PTK2: variants seen among roughly 807,000 people sequenced by gnomAD.
PTK2 encodes protein tyrosine kinase 2.
A neutral mutation model predicts 150.1 loss-of-function variants in PTK2; 45 were observed. The observed-to-expected ratio is 0.30, with a 90% CI of 0.24 to 0.38. The LOEUF (loss-of-function observed/expected upper bound fraction) is 0.38, where lower values mean the gene tolerates loss of function less well. Ranked by LOEUF, PTK2 falls within the 10% of genes least tolerant of loss-of-function variation. PTK2 has a pLI of 1.00. For missense variants in PTK2, 919 were observed against 1,307.3 expected (o/e 0.70, Z 4.58); for synonymous variants, 432 against 449.2 (o/e 0.96, Z 0.48).
chr8:140,772,624 A>C (rs1207334080), intron 14 of PTK2, among the ~76,000 whole-genome samples: 1 of 152,232 alleles, frequency 6.6e-6, no homozygotes, highest in South Asian at 2.1e-4. Context: ...ATAAGATGAT[A>C]TCTTTGGTCT....
intron 23 of PTK2, among the ~76,000 whole-genome samples, 194 bp downstream of exon 26, chr8:140,717,404 C>G (rs963373020): frequency 1.3e-5 from 2 of 152,188 alleles, no homozygotes; most frequent in Non-Finnish European, 2.9e-5. Context: ...ACTTGAAATA[C>G]AAATGAGGAA....
At chr8:140,700,851 G>T in intron 26 of PTK2, 40 bp downstream of exon 29, 1 of 1,609,288 alleles carries the variant, frequency 6.2e-7, no homozygotes. Context: ...ACTCTAACAG[G>T]GCTTAAAAAG....
At chr8:140,841,456 T>C (rs1214992341) in intron 7 of PTK2, among the ~76,000 whole-genome samples, 1 of 152,116 alleles carries the variant, frequency 6.6e-6, no homozygotes, top group Non-Finnish European at 1.5e-5. Context: ...ATTTTTAAAA[T>C]CCACACATTT....
At chr8:140,912,504 A>G (rs1409562779) in intron 2 of PTK2, among the ~76,000 whole-genome samples, 1 of 152,120 alleles carries the variant, frequency 6.6e-6, no homozygotes, top group East Asian at 1.9e-4. Flanking sequence ...TTTAAACACT[A>G]TAATTCATCA....
Position 140,669,718 on chromosome 8 carries a change from T to C in PTK2, c.2710-1294A>G, listed in dbSNP as rs10283368. The C allele has an allele frequency of 0.47, 711,809 of 1,530,584 alleles. 170,349 individuals are homozygous for C. The highest frequency in any genetic ancestry group is 0.5 in the Middle Eastern group (2,981 of 5,980). 94.8% of individuals were successfully genotyped at this position (1,530,584 alleles called of 1,614,324 possible). On this transcript the variant is annotated intron_variant, in intron 29 of 31. Coordinates refer to ENST00000522684, the Ensembl canonical transcript of PTK2. ...GCTGGACAGACACACAAAGACACGA[T>C]GTGCTTACCCTCCATGGCTATTGTC...
At chr8:140,818,308 C>T (rs752827540) in exon 10 of PTK2, 6 of 1,614,102 alleles carry the variant, frequency 3.7e-6, no homozygotes, top group Non-Finnish European at 5.1e-6. Context: ...GTAACTGATT[C>T]CTTCTTCTGG....
intron 1 of PTK2, among the ~76,000 whole-genome samples, chr8:140,955,791 G>T (rs1241331024): frequency 6.6e-6 from 1 of 152,212 alleles, no homozygotes; most frequent in Non-Finnish European, 1.5e-5. Context: ...CATGTCGGAA[G>T]AAGGTTCAGA....
chr8:140,989,790 C>T (rs1316050032), intron 1 of PTK2, among the ~76,000 whole-genome samples: 2 of 151,834 alleles, frequency 1.3e-5, no homozygotes, highest in Non-Finnish European at 2.9e-5. Context: ...TGCCTGTAAT[C>T]CCAGCTACTC....
At chr8:140,779,263 A>G (rs1229550343) in intron 14 of PTK2, among the ~76,000 whole-genome samples, 2 of 151,084 alleles carry the variant, frequency 1.3e-5, no homozygotes, top group Non-Finnish European at 3.0e-5. Flanking sequence ...AAAAAAAGAA[A>G]AAAAAAAAAA....
Position 140,923,139 on chromosome 8 carries a change from T to A in PTK2, c.-33+2522A>T, listed in dbSNP as rs1246427874. ...TCAATATCCAAATATCATCTCCTAA[T>A]GTGCAAGATCTTGAGAGTATAGGAA... is the stretch of plus-strand genomic sequence containing the variant. On this transcript the variant is annotated intron_variant, in intron 2 of 31. Coordinates refer to ENST00000522684, the Ensembl canonical transcript of PTK2. 7.9e-5 allele frequency among the ~76,000 whole-genome samples: 12 copies of A among 152,156 alleles called. No individual in the cohort carries two copies. In the South Asian group the frequency reaches 2.3e-3, roughly 29 times the overall value.
chr8:140,964,636 T>A (rs2100184614), intron 1 of PTK2, among the ~76,000 whole-genome samples: 1 of 144,314 alleles, frequency 6.9e-6, no homozygotes, highest in South Asian at 2.2e-4. Flanking sequence ...ACTCAAGAGA[T>A]CCACCCGTCT....
At chr8:140,819,188 A>G (rs1221377893) in intron 8 of PTK2, among the ~76,000 whole-genome samples, 168 bp from the exon 9 acceptor site, 1 of 152,234 alleles carries the variant, frequency 6.6e-6, no homozygotes, top group Non-Finnish European at 1.5e-5. Flanking sequence ...TCAAAGCTTT[A>G]TTCTTTTAAT....
chr8:141,000,443 C>T lies in PTK2; in HGVS notation c.-122+682G>A, dbSNP rs575537482. Among the ~76,000 whole-genome samples the T allele has an allele frequency of 4.1e-3, 617 of 152,300 alleles. 2 individuals carry two copies. Among genetic ancestry groups the T allele is most frequent in the Non-Finnish European group, 6.9e-3 (472 of 68,012 alleles). On this transcript the variant is annotated intron_variant, in intron 1 of 31. Coordinates refer to ENST00000522684, the Ensembl canonical transcript of PTK2. ...CGCGCCCGGGGGACGGAGGTCGGGC[C>T]GTCGCGAGCCTCCCTCTCGCGTCCG...
chr8:140,793,405 G>A (rs778499372), intron 12 of PTK2, 21 bp from the exon 13 acceptor site: 6 of 1,609,146 alleles, frequency 3.7e-6, no homozygotes, highest in Non-Finnish European at 5.1e-6. Flanking sequence ...AAAGAAAAGA[G>A]ATGCATAAGG....
intron 1 of PTK2, among the ~76,000 whole-genome samples, chr8:140,996,017 G>A (rs1014417110): frequency 1.6e-4 from 25 of 152,036 alleles, no homozygotes; most frequent in African/African-American, 5.1e-4. Flanking sequence ...CCCGTGAGGC[G>A]GAGGGTGCAG....
At chr8:140,819,128 T>A in intron 8 of PTK2, 108 bp from the exon 9 acceptor site, 1 of 1,085,352 alleles carries the variant, frequency 9.2e-7, no homozygotes, top group Non-Finnish European at 1.3e-6. Flanking sequence ...ACACCTACAT[T>A]CAAATTACTG....
chr8:140,911,207 A>C (rs2100163009), intron 2 of PTK2, among the ~76,000 whole-genome samples: 1 of 151,842 alleles, frequency 6.6e-6, no homozygotes, highest in Non-Finnish European at 1.5e-5. Flanking sequence ...TTTTTATTGT[A>C]GGTTTTTGTC....
At chr8:140,794,006 G>A (rs980938041) in intron 12 of PTK2, among the ~76,000 whole-genome samples, 6 of 152,164 alleles carry the variant, frequency 3.9e-5, no homozygotes, top group African/African-American at 1.4e-4. Flanking sequence ...TGAGGACTTC[G>A]TTCAATGGTG....
At chr8:140,882,294 T>C (rs1478730791) in intron 3 of PTK2, among the ~76,000 whole-genome samples, 2 of 152,344 alleles carry the variant, frequency 1.3e-5, no homozygotes, top group East Asian at 3.9e-4. Context: ...TAGTGAGGAA[T>C]GTAAACTCAA....
Sources: allele counts gnomAD v4.1 joint callset (sites outside exome capture counted in the v4.1 genomes callset), GRCh38; gene constraint gnomAD v4.1.1; transcripts MANE v1.5; gene names NCBI Gene and HGNC (gene_info 2026-07-23, HGNC 2026-07-21).